The following FAM83D variants were observed in gnomAD, a reference collection of about 807,000 sequenced individuals.
FAM83D encodes the protein scaffolding CK1 anchoring protein D, also known as protein FAM83D.
FAM83D carries 26 observed loss-of-function variants against 25.4 expected under a neutral mutation model. That is an observed-to-expected ratio of 1.02 (90% CI 0.75 to 1.42). FAM83D has a LOEUF of 1.42. Among genes scored for constraint, FAM83D ranks in the 40% most tolerant of loss-of-function variants. The pLI, the probability that FAM83D is intolerant of heterozygous loss-of-function variation, is 0.00. For missense variants in FAM83D, 740 were observed against 758.1 expected (o/e 0.98, Z 0.28); for synonymous variants, 310 against 318.5 (o/e 0.97, Z 0.28).
intron 3 of FAM83D, 123 bp downstream of exon 3, chr20:38,948,123 C>A: frequency 8.4e-7 from 1 of 1,195,852 alleles, no homozygotes; most frequent in Non-Finnish European, 1.2e-6. Flanking sequence ...GATATGCGTG[C>A]ATCTGTGTAT....
Position 38,951,921 on chromosome 20 carries a change from A to G in FAM83D, c.1159A>G (p.Ile387Val). 6.2e-7 allele frequency: 1 copy of G among 1,614,172 alleles called. No homozygotes were observed. The highest frequency in any genetic ancestry group is 1.1e-5 in the South Asian group (1 of 91,082). Reference protein sequence around the residue: ...HRDELQSRKAIDAATQTEPGE... With the variant: ...HRDELQSRKAVDAATQTEPGE... ...GGACGAGCTCCAGAGCAGAAAGGCCATTGACGCTGCCACTCAAACAGAGCC... is the reference window on the plus strand; with the variant it reads ...GGACGAGCTCCAGAGCAGAAAGGCCGTTGACGCTGCCACTCAAACAGAGCC... Residue 387 changes from isoleucine to valine, a missense_variant, in exon 4 of 4, where the codon ATT becomes GTT. Coordinates refer to ENST00000619850, the MANE Select transcript of FAM83D (RefSeq NM_030919.3).
In FAM83D at chr20:38,952,142, A is replaced by C. The variant is rs201971456; in HGVS notation, c.1380A>C (p.Glu460Asp). Residue 460 changes from glutamate to aspartate, a missense_variant, in exon 4 of 4, where the codon GAA becomes GAC. Glu to Asp is a conservative substitution (Grantham distance 45). Coordinates refer to ENST00000619850, the MANE Select transcript of FAM83D (RefSeq NM_030919.3). ...TTCCTCGAGGAACTCAATCTACAGA[A>C]GGGTCACCAGTCTCAAAAATGTCTG... ...ILFPRGTQST[E>D]GSPVSKMSVS... is the part of the protein sequence containing the mutation. 1 of 1,614,198 alleles carries C rather than the reference A, an allele frequency of 6.2e-7. No individual in the cohort carries two copies. Among genetic ancestry groups the C allele is most frequent in the African/African-American group, 1.3e-5 (1 of 75,054 alleles).
intron 1 of FAM83D, among the ~76,000 whole-genome samples, chr20:38,927,279 C>T (rs2145797807): frequency 6.6e-6 from 1 of 152,310 alleles, no homozygotes. Flanking sequence ...ATTTCCCTGT[C>T]TGTCAGCCAA....
intron 1 of FAM83D, among the ~76,000 whole-genome samples, chr20:38,938,851 T>A (rs1341627431): frequency 1.3e-5 from 2 of 152,208 alleles, no homozygotes; most frequent in Non-Finnish European, 2.9e-5. Flanking sequence ...CTAAAGAATA[T>A]CCACGTGACT....
chr20:38,952,382 C>T lies in FAM83D; in HGVS notation c.1620C>T (p.Ser540=). 6.2e-7 allele frequency: 1 copy of T among 1,614,186 alleles called. No homozygotes were observed. Among genetic ancestry groups the T allele is most frequent in the South Asian group, 1.1e-5 (1 of 91,080 alleles). Reference sequence around the variant, plus strand: ...AATTCCACTTCGCTGGTATCAGGTCCCGGCTCAACCACATGCTGGCTATGC... The same window carrying T: ...AATTCCACTTCGCTGGTATCAGGTCTCGGCTCAACCACATGCTGGCTATGC... ...ERQFHFAGIR[S]RLNHMLAMLS... Residue 540 remains serine (S), a synonymous_variant, in exon 4 of 4, where the codon TCC becomes TCT. Coordinates refer to ENST00000619850, the MANE Select transcript of FAM83D (RefSeq NM_030919.3).
chr20:38,927,074 C>T, intron 1 of FAM83D, 149 bp downstream of exon 1: 1 of 1,332,460 alleles, frequency 7.5e-7, no homozygotes, highest in Non-Finnish European at 9.6e-7. Context: ...GGGTCTCCGA[C>T]TCACACCCCA....
intron 1 of FAM83D, among the ~76,000 whole-genome samples, chr20:38,930,737 T>A (rs544076815): frequency 1.3e-5 from 2 of 152,154 alleles, no homozygotes; most frequent in East Asian, 3.9e-4. Context: ...AACCTCTGCC[T>A]CCCAGGTTCA....
chr20:38,951,861 A>T lies in FAM83D; in HGVS notation c.1099A>T (p.Thr367Ser). ...CAAGCCCCATGACTGTGAGTCCTCT[A>T]CTGTTAGTGAGGAAGACTACTTCAG... is the stretch of plus-strand genomic sequence containing the variant. ...ERKPHDCESS[T>S]VSEEDYFSSH... is the part of the protein sequence containing the mutation. Residue 367 changes from threonine (T) to serine (S), a missense_variant, in exon 4 of 4, where the codon ACT becomes TCT. By Grantham distance (58) the Thr-to-Ser change is moderately conservative. Coordinates refer to ENST00000619850, the MANE Select transcript of FAM83D (RefSeq NM_030919.3). The T allele has an allele frequency of 1.2e-6, 2 of 1,614,146 alleles. No individual in the cohort carries two copies. The highest frequency in any genetic ancestry group is 1.7e-6 in the Non-Finnish European group (2 of 1,179,996).
rs572974601 is a variant in FAM83D, at chr20:38,946,576, G to A, written c.652-1300G>A. ...CTCCCTCCTCCTGCTCCTTTATATA[G>A]TCACATCACTCCCCTCACTTTAACC... On this transcript the variant is annotated intron_variant, in intron 2 of 3. Coordinates refer to ENST00000619850, the MANE Select transcript of FAM83D (RefSeq NM_030919.3). Among the ~76,000 whole-genome samples the A allele has an allele frequency of 3.9e-5, 6 of 152,170 alleles. No individual in the cohort carries two copies. In the South Asian group the frequency reaches 1.0e-3, roughly 26 times the overall value.
intron 1 of FAM83D, 85 bp from the exon 2 acceptor site, chr20:38,941,874 C>A (rs1021954172): frequency 4.5e-6 from 6 of 1,344,314 alleles, no homozygotes; most frequent in Non-Finnish European, 6.3e-6. Context: ...TTTCCCAGTT[C>A]TGAGTGGAGT....
chr20:38,946,215 A>AC (rs2085727859), intron 2 of FAM83D, among the ~76,000 whole-genome samples: 1 of 151,974 alleles, frequency 6.6e-6, no homozygotes, highest in Non-Finnish European at 1.5e-5. Context: ...AAAAAAAAAA[A>AC]AAAAACAATT....
chr20:38,936,311 GT>G (rs1389406874), intron 1 of FAM83D, among the ~76,000 whole-genome samples: 5 of 152,204 alleles, frequency 3.3e-5, no homozygotes, highest in South Asian at 2.1e-4. Context: ...CCCATTGAGT[GT>G]GTATGAATCA....
intron 1 of FAM83D, among the ~76,000 whole-genome samples, chr20:38,929,014 T>A (rs2085648152): frequency 6.6e-6 from 1 of 151,746 alleles, no homozygotes; most frequent in Non-Finnish European, 1.5e-5. Context: ...CCGTCTCTAC[T>A]AAAAATACAA....
In FAM83D at chr20:38,947,942, A is replaced by T; in HGVS notation, c.718A>T (p.Lys240Ter). 1 of 1,614,220 alleles carries T rather than the reference A, an allele frequency of 6.2e-7. No homozygotes were observed. Among genetic ancestry groups the T allele is most frequent in the Non-Finnish European group, 8.5e-7 (1 of 1,180,042 alleles). Reference sequence around the variant, plus strand: ...AAGGTCAGGAACTAAGATTATTGGGAAGGTTCACGAAAAGTTCACGTTGAT... The same window carrying T: ...AAGGTCAGGAACTAAGATTATTGGGTAGGTTCACGAAAAGTTCACGTTGAT... ...YARSGTKIIG[K>*]VHEKFTLIDG... Residue 240 changes from lysine to a stop codon, truncating the protein, a stop_gained, in exon 3 of 4, where the codon AAG becomes TAG. Coordinates refer to ENST00000619850, the MANE Select transcript of FAM83D (RefSeq NM_030919.3). LOFTEE classifies it high-confidence loss of function.
At chr20:38,950,199 C>T (rs930746526) in intron 3 of FAM83D, among the ~76,000 whole-genome samples, 1 of 152,186 alleles carries the variant, frequency 6.6e-6, no homozygotes, top group African/African-American at 2.4e-5. Flanking sequence ...TACTATCAAT[C>T]CCTTCTGTCA....
At chr20:38,938,618 A>G (rs990184538) in intron 1 of FAM83D, among the ~76,000 whole-genome samples, 1 of 152,124 alleles carries the variant, frequency 6.6e-6, no homozygotes, top group African/African-American at 2.4e-5. Context: ...CCACCTCAAA[A>G]TCCGTTTCGA....
At chr20:38,948,293 C>T (rs926727705) in intron 3 of FAM83D, among the ~76,000 whole-genome samples, 1 of 152,166 alleles carries the variant, frequency 6.6e-6, no homozygotes, top group African/African-American at 2.4e-5. Context: ...CTGCAGGGGA[C>T]GAACTGGGGG....
In FAM83D at chr20:38,928,704, G is replaced by A. The variant is rs140018163; in HGVS notation, c.483+1779G>A. 3.9e-3 allele frequency among the ~76,000 whole-genome samples: 597 copies of A among 152,298 alleles called. 2 individuals carry two copies. Among genetic ancestry groups the A allele is most frequent in the African/African-American group, 0.014 (573 of 41,552 alleles). On this transcript the variant is annotated intron_variant, in intron 1 of 3. Transcript: ENST00000619850. ...AGGGAAACTATTAAACTCACGTGCT[G>A]GCGTGAGGAGGGGATGGAGCCAGGA... is the stretch of plus-strand genomic sequence containing the variant.
chr20:38,926,723 A>C lies in FAM83D; in HGVS notation c.281A>C (p.His94Pro), dbSNP rs79799203. Residue 94 changes from histidine to proline, a missense_variant, in exon 1 of 4, where the codon CAC becomes CCC. Around this residue, in one of 3 missense-constraint regions of FAM83D, gnomAD observed 333 missense variants for 298.6 expected, o/e 1.12. Transcript: ENST00000619850. Reference protein sequence around the residue: ...AAAEDSFGSSHDCSSGTYFPE... With the variant: ...AAAEDSFGSSPDCSSGTYFPE... ...GCCGAGGACTCGTTCGGCTCCTCGC[A>C]CGACTGCTCTTCGGGCACCTACTTC... 6.6e-7 allele frequency: 1 copy of C among 1,525,060 alleles called. No homozygotes were observed. Among genetic ancestry groups the C allele is most frequent in the Admixed American group, 2.0e-5 (1 of 49,520 alleles). 94.5% of individuals were successfully genotyped at this position (1,525,060 alleles called of 1,614,324 possible).
Sources: allele counts gnomAD v4.1 joint callset (sites outside exome capture counted in the v4.1 genomes callset), GRCh38; gene constraint gnomAD v4.1.1; regional missense constraint gnomAD v4.1.1; transcripts MANE v1.5; gene names NCBI Gene and HGNC (gene_info 2026-07-23, HGNC 2026-07-21).